The following SEPTIN12 variants were observed in gnomAD, a reference collection of about 807,000 sequenced individuals.
SEPTIN12 encodes the protein septin 12, also known as septin-12.
A neutral mutation model predicts 37.7 loss-of-function variants in SEPTIN12; 42 were observed. The observed-to-expected ratio is 1.11, with a 90% CI of 0.87 to 1.44. The LOEUF (loss-of-function observed/expected upper bound fraction) is 1.44. SEPTIN12 is among the 40% of genes most tolerant of loss of function. The pLI, the probability that SEPTIN12 is intolerant of heterozygous loss-of-function variation, is 0.00. For missense variants in SEPTIN12, 613 were observed against 479.2 expected (o/e 1.28, Z -2.61); for synonymous variants, 254 against 196.7 (o/e 1.29, Z -2.44).
chr16:4,787,438 C>A, intron 2 of SEPTIN12, 42 bp downstream of exon 2: 1 of 1,592,918 alleles, frequency 6.3e-7, no homozygotes, highest in Non-Finnish European at 8.6e-7. Context: ...GCACGCGTAG[C>A]ACTGTGGGTC....
intron 7 of SEPTIN12, among the ~76,000 whole-genome samples, chr16:4,780,781 C>A (rs1344547121): frequency 6.6e-6 from 1 of 152,252 alleles, no homozygotes; most frequent in Admixed American, 6.5e-5. Context: ...GACTTCAAGA[C>A]CAGCCTGGTC....
In SEPTIN12 at chr16:4,777,873, G is replaced by A. The variant is rs758246500; in HGVS notation, c.1001C>T (p.Ser334Phe). Reference protein sequence around the residue: ...GPGWVNLAPASPGQLTTPRTF... With the variant: ...GPGWVNLAPAFPGQLTTPRTF... Reference sequence around the variant, plus strand: ...CCGGGGGGTGGTCAGCTGTCCTGGGGAGGCCGGGGCCAGGTTCACCCAGCC... The same window carrying A: ...CCGGGGGGTGGTCAGCTGTCCTGGGAAGGCCGGGGCCAGGTTCACCCAGCC... The change falls in exon 10 of 10, where the codon TCC (serine) becomes TTC (phenylalanine). Residue 334 changes from serine (S) to phenylalanine (F), a missense_variant. Ser to Phe is a radical substitution (Grantham distance 155). Transcript: ENST00000268231. The A allele has an allele frequency of 1.3e-6, 2 of 1,597,420 alleles. No individual in the cohort carries two copies. Among genetic ancestry groups the A allele is most frequent in the African/African-American group, 1.3e-5 (1 of 74,916 alleles).
chr16:4,785,481 C>A (rs1433448575), intron 4 of SEPTIN12, among the ~76,000 whole-genome samples: 2 of 151,830 alleles, frequency 1.3e-5, no homozygotes, highest in African/African-American at 4.8e-5. Flanking sequence ...CCTTTGAGAA[C>A]CCACCACTTG....
chr16:4,787,626 G>T lies in SEPTIN12; in HGVS notation c.20C>A (p.Ser7Tyr), dbSNP rs757405227. The change falls in exon 2 of 10, where the codon TCC (serine) becomes TAC (tyrosine). Residue 7 changes from serine (S) to tyrosine (Y), a missense_variant. Transcript: ENST00000268231. MDPLRR[S>Y]PSPCLSSQPS... is the part of the protein sequence containing the mutation. ...CTGCGAGGACAGGCAGGGAGAGGGGGAGCGCCTCAGGGGGTCCATGGGGGC... is the reference window on the plus strand; with the variant it reads ...CTGCGAGGACAGGCAGGGAGAGGGGTAGCGCCTCAGGGGGTCCATGGGGGC... The T allele has an allele frequency of 1.1e-5, 18 of 1,596,064 alleles. No individual in the cohort carries two copies. The African/African-American group carries it at 2.1e-4, about 19-fold the overall frequency.
chr16:4,787,282 C>A (rs2082470144), intron 2 of SEPTIN12, among the ~76,000 whole-genome samples, 198 bp downstream of exon 2: 1 of 152,160 alleles, frequency 6.6e-6, no homozygotes, highest in South Asian at 2.1e-4. Context: ...TAGGTGTGAG[C>A]CACCGCTCCA....
upstream of SEPTIN12, among the ~76,000 whole-genome samples, chr16:4,790,302 G>A (rs959999116): frequency 1.1e-4 from 16 of 152,100 alleles, no homozygotes; most frequent in African/African-American, 2.9e-4. Flanking sequence ...TGAGAAAGTC[G>A]CCACAGACAA....
chr16:4,778,164 C>T (rs1288590504), intron 8 of SEPTIN12, 27 bp from the exon 9 acceptor site: 4 of 1,613,658 alleles, frequency 2.5e-6, no homozygotes, highest in Admixed American at 1.7e-5. Flanking sequence ...TCAGTATGGG[C>T]GCTGCTTAGT....
At position 4,779,736 on chromosome 16, in the gene SEPTIN12, G is replaced by C. The variant is rs150750343; in HGVS notation, c.777C>G (p.Asn259Lys). Residue 259 changes from asparagine to lysine, a missense_variant, in exon 8 of 10, where the codon AAC becomes AAG. Asn to Lys is a moderately conservative substitution (Grantham distance 94, BLOSUM62 0). Transcript: ENST00000268231. ...TCTTCCGGCCCAGGACACACCTCCC[G>C]TTCACCAGGTGCTCTTGGTCAGCCC... ...VVGADQEHLV[N>K]GRCVLGRKTK... is the part of the protein sequence containing the mutation. 1 of 1,613,746 alleles carries C rather than the reference G, an allele frequency of 6.2e-7. No homozygotes were observed. The highest frequency in any genetic ancestry group is 8.5e-7 in the Non-Finnish European group (1 of 1,179,804).
rs115147499 is a variant in SEPTIN12 at position 4,783,022 on chromosome 16, T to C, written c.726+440A>G. ...CCTCCCAGTTTCAAAATTCTCCCGC[T>C]TCAGCCTCCTGAGTAGCTGGGACTA... On this transcript the variant is annotated intron_variant, in intron 7 of 9. Transcript: ENST00000268231. 3.1e-3 allele frequency among the ~76,000 whole-genome samples: 455 copies of C among 146,366 alleles called. 2 individuals carry two copies. The highest frequency in any genetic ancestry group is 0.011 in the African/African-American group (420 of 39,392).
At chr16:4,782,275 A>G (rs915745931) in intron 7 of SEPTIN12, among the ~76,000 whole-genome samples, 2 of 152,056 alleles carry the variant, frequency 1.3e-5, no homozygotes, top group Non-Finnish European at 2.9e-5. Context: ...TTAAAGGGTG[A>G]ACTTCATTGC....
chr16:4,783,520 T>A lies in SEPTIN12; in HGVS notation c.668A>T (p.Tyr223Phe). ...QNLRTHCIDV[Y>F]PQMCFDEDIN... The stretch of plus-strand genomic sequence containing the variant: ...GTCCTCGTCAAAGCACATCTGGGGG[T>A]AGACGTCGATGCAGTGGGTCCTCAG... The change falls in exon 7 of 10, where the codon TAC (tyrosine) becomes TTC (phenylalanine). Residue 223 changes from tyrosine to phenylalanine, a missense_variant. Physicochemically the swap from Tyr to Phe is conservative, Grantham distance 22. Transcript: ENST00000268231. The A allele has an allele frequency of 6.2e-7, 1 of 1,613,980 alleles. No homozygotes were observed.
rs769917568 is a variant in SEPTIN12, at chr16:4,779,682, G to A, written c.823+8C>T. The A allele has an allele frequency of 1.0e-5, 16 of 1,590,062 alleles. No homozygotes were observed. Among genetic ancestry groups the A allele is most frequent in the Middle Eastern group, 1.7e-4 (1 of 5,828 alleles). On this transcript the variant is annotated splice_region_variant and intron_variant, in intron 8 of 9. Transcript: ENST00000268231. Reference sequence around the variant, plus strand: ...CACCTGCATCCTACCCAGGGGCCCCGCACTGACCTTCAATGATGCCCCACT... The same window carrying A: ...CACCTGCATCCTACCCAGGGGCCCCACACTGACCTTCAATGATGCCCCACT...
intron 4 of SEPTIN12, among the ~76,000 whole-genome samples, chr16:4,785,031 G>T (rs892117835): frequency 6.6e-6 from 1 of 152,080 alleles, no homozygotes; most frequent in African/African-American, 2.4e-5. Flanking sequence ...CGGACCACCC[G>T]AGGTCAGGAG....
chr16:4,791,116 T>G (rs2082544383), upstream of SEPTIN12, among the ~76,000 whole-genome samples: 1 of 152,184 alleles, frequency 6.6e-6, no homozygotes, highest in African/African-American at 2.4e-5. Context: ...AGAAAACACT[T>G]TCTCCAGGAA....
rs542831385 is a variant in SEPTIN12, at chr16:4,777,739, G to A, written c.*58C>T. On this transcript the variant is annotated 3_prime_UTR_variant, in exon 10 of 10. Transcript: ENST00000268231. ...TTAATAGATGCTCTGGTACATAGGT[G>A]TGTGTTGAGAGCCGCTGGGGACTCA... 1.7e-6 allele frequency: 2 copies of A among 1,183,586 alleles called. No individual in the cohort carries two copies. Among genetic ancestry groups the A allele is most frequent in the South Asian group, 1.6e-5 (1 of 63,476 alleles). 73.3% of individuals were successfully genotyped at this position (1,183,586 alleles called of 1,614,324 possible).
intron 4 of SEPTIN12, among the ~76,000 whole-genome samples, chr16:4,785,230 G>C (rs117436249): frequency 1.3e-5 from 2 of 150,924 alleles, no homozygotes; most frequent in African/African-American, 4.9e-5. Flanking sequence ...TGGCCTGGGT[G>C]ACAAGAGCGA....
At chr16:4,787,821 G>T (rs971252929) in intron 1 of SEPTIN12, 154 bp from the exon 2 acceptor site, 1 of 590,716 alleles carries the variant, frequency 1.7e-6, no homozygotes, top group African/African-American at 1.9e-5. Context: ...TAGTCCCAGG[G>T]GTGTGGCAAG....
upstream of SEPTIN12, among the ~76,000 whole-genome samples, chr16:4,790,609 G>A (rs1332059037): frequency 6.6e-6 from 1 of 152,140 alleles, no homozygotes; most frequent in East Asian, 1.9e-4. Context: ...CCAACATGGC[G>A]AAACCCCATC....
chr16:4,789,087 C>T (rs570163156), upstream of SEPTIN12, among the ~76,000 whole-genome samples: 2 of 152,222 alleles, frequency 1.3e-5, no homozygotes, highest in East Asian at 1.9e-4. Context: ...GGCGCGATCT[C>T]GGCTCACTGC....
Sources: gnomAD v4.1 joint callset for allele counts (sites outside exome capture counted in the v4.1 genomes callset) on GRCh38, gnomAD v4.1.1 for gene constraint, MANE v1.5 for transcripts, NCBI Gene and HGNC (gene_info 2026-07-23, HGNC 2026-07-21) for gene names.